CCDC82: variants seen among roughly 807,000 people sequenced by gnomAD.
CCDC82 encodes the protein coiled-coil domain-containing protein 82.
Under a neutral mutation model 60.6 loss-of-function variants are expected in CCDC82, and 47 were observed. The ratio of observed to expected loss-of-function variants is 0.77; its 90% CI spans 0.61 to 0.99. The LOEUF (loss-of-function observed/expected upper bound fraction) is 0.99, where lower values mean the gene tolerates loss of function less well. Ranked by LOEUF, CCDC82 falls within the 50% of genes least tolerant of loss-of-function variation. The probability of loss-of-function intolerance (pLI) is 0.00; values close to 1 mark genes in which losing one functional copy is unlikely to be tolerated. For synonymous variants in CCDC82, 212 were observed against 207.4 expected, an observed-to-expected ratio of 1.02 and a Z score of -0.19; for missense variants, 588 against 633.0, an observed-to-expected ratio of 0.93 and a Z score of 0.76.
chr11:96,379,175 T>TA (rs1865740211), intron 5 of CCDC82, among the ~76,000 whole-genome samples: 1 of 151,958 alleles, frequency 6.6e-6, no homozygotes, highest in Non-Finnish European at 1.5e-5. Context: ...TCACATAGGT[T>TA]ACTGTTTTAA....
intron 8 of CCDC82, among the ~76,000 whole-genome samples, chr11:96,361,545 G>A (rs1864662858): frequency 1.3e-5 from 2 of 152,144 alleles, no homozygotes; most frequent in African/African-American, 2.4e-5. Context: ...TATATGGAAG[G>A]GCATCACTGC....
At chr11:96,353,894 A>G in intron 9 of CCDC82, 180 bp from the exon 10 acceptor site, 1 of 449,644 alleles carries the variant, frequency 2.2e-6, no homozygotes, top group Non-Finnish European at 3.9e-6. Context: ...TATAACTCAT[A>G]TATTTCCATA....
intron 9 of CCDC82, chr11:96,358,119 C>T: frequency 1.0e-6 from 1 of 985,686 alleles, no homozygotes; most frequent in Non-Finnish European, 1.2e-6. Flanking sequence ...TTTTATATTC[C>T]TCTTTTACAA....
At chr11:96,375,805 A>G (rs991532012) in intron 5 of CCDC82, among the ~76,000 whole-genome samples, 17 of 152,220 alleles carry the variant, frequency 1.1e-4, no homozygotes, top group African/African-American at 4.1e-4. Context: ...TGGATGGAAA[A>G]CTGGAGAAAA....
intron 8 of CCDC82, among the ~76,000 whole-genome samples, chr11:96,361,053 T>C (rs1035509139): frequency 2.0e-5 from 3 of 152,240 alleles, no homozygotes; most frequent in African/African-American, 7.2e-5. Context: ...AAAGCAGTCC[T>C]GGTAGTAATG....
chr11:96,369,280 T>A (rs1376826266), intron 7 of CCDC82, among the ~76,000 whole-genome samples: 1 of 152,228 alleles, frequency 6.6e-6, no homozygotes, highest in East Asian at 1.9e-4. Context: ...CTTCAAGAAC[T>A]TTCCTTTGCA....
At chr11:96,362,496 A>C (rs892093744) in intron 8 of CCDC82, among the ~76,000 whole-genome samples, 2 of 152,174 alleles carry the variant, frequency 1.3e-5, no homozygotes, top group Non-Finnish European at 2.9e-5. Flanking sequence ...GCTTCTTCCC[A>C]CCAAATCCTA....
chr11:96,367,459 G>A (rs959708099), intron 7 of CCDC82, among the ~76,000 whole-genome samples: 1 of 152,084 alleles, frequency 6.6e-6, no homozygotes, highest in Non-Finnish European at 1.5e-5. Flanking sequence ...AAGAAACCAC[G>A]TTCTTTGCTT....
Position 96,383,246 on chromosome 11 carries a change from CATTTTCTTAAT to C in CCDC82, c.991+12_991+22del. Reference sequence around the variant, plus strand: ...AATATCATGAGAACAATTCATGAAACATTTTCTTAATATTGAACTTACAAAGAGAATTCTGT... The same window carrying C: ...AATATCATGAGAACAATTCATGAAACATTGAACTTACAAAGAGAATTCTGT... On this transcript the variant is annotated intron_variant, in intron 5 of 9. Coordinates refer to ENST00000646818, the MANE Select transcript of CCDC82 (RefSeq NM_024725.4). 7.9e-7 allele frequency: 1 copy of C among 1,266,604 alleles called. No individual in the cohort carries two copies. Among genetic ancestry groups the C allele is most frequent in the Non-Finnish European group, 1.2e-6 (1 of 866,200 alleles). The allele number at this position is 1,266,604 out of a possible 1,614,324, so 78.5% of individuals were successfully genotyped here.
At chr11:96,361,766 A>G (rs1864673711) in intron 8 of CCDC82, among the ~76,000 whole-genome samples, 1 of 152,238 alleles carries the variant, frequency 6.6e-6, no homozygotes, top group African/African-American at 2.4e-5. Flanking sequence ...CTCTGGTGTT[A>G]GAATGATTTC....
At position 96,362,281 on chromosome 11, in the gene CCDC82, C is replaced by T. The variant is rs574352514; in HGVS notation, c.1380+2699G>A. Among the ~76,000 whole-genome samples the T allele has an allele frequency of 1.1e-4, 17 of 152,188 alleles. No homozygotes were observed. In the East Asian group the frequency reaches 1.9e-3, roughly 17 times the overall value. ...TTATTTATAGGCAGAGGAGCCAGCT[C>T]CTTATGGAAGTTAAAGTATGAAGAA... On this transcript the variant is annotated intron_variant, in intron 8 of 9. Transcript: ENST00000646818.
intron 5 of CCDC82, 21 bp downstream of exon 5, chr11:96,383,248 T>C (rs1865974142): frequency 4.7e-6 from 6 of 1,285,402 alleles, no homozygotes; most frequent in Non-Finnish European, 5.7e-6. Flanking sequence ...TCATGAAACA[T>C]TTTCTTAATA....
chr11:96,359,922 A>T (rs1479094255), intron 8 of CCDC82, among the ~76,000 whole-genome samples: 1 of 151,292 alleles, frequency 6.6e-6, no homozygotes, highest in Non-Finnish European at 1.5e-5. Flanking sequence ...TTTTGCTGTC[A>T]GCCAGCTATA....
chr11:96,373,401 T>C lies in CCDC82; in HGVS notation c.1058A>G (p.Asp353Gly), dbSNP rs761001695. Residue 353 changes from aspartate (D) to glycine (G), a missense_variant, in exon 6 of 10, where the codon GAT becomes GGT. Transcript: ENST00000646818. ...ATATAATGTTCCCAGAAAAGATTCATCTAAAGCGTTGATCAGAAGAGCCTT... is the reference window on the plus strand; with the variant it reads ...ATATAATGTTCCCAGAAAAGATTCACCTAAAGCGTTGATCAGAAGAGCCTT... ...VVKALLINAL[D>G]ESFLGTLYDG... 1 of 1,607,742 alleles carries C rather than the reference T, an allele frequency of 6.2e-7. No homozygotes were observed.
At chr11:96,373,994 T>C (rs1398298194) in intron 5 of CCDC82, among the ~76,000 whole-genome samples, 2 of 152,216 alleles carry the variant, frequency 1.3e-5, no homozygotes, top group African/African-American at 4.8e-5. Context: ...GTCTATTTCC[T>C]TCCCCATACC....
At chr11:96,353,869 C>G (rs996818133) in intron 9 of CCDC82, 155 bp from the exon 10 acceptor site, 4 of 555,108 alleles carry the variant, frequency 7.2e-6, no homozygotes, top group African/African-American at 3.8e-5. Context: ...TTCAAATAAG[C>G]ATTCCTAACT....
chr11:96,380,744 A>C (rs1232191896), intron 5 of CCDC82: 1 of 151,856 alleles, frequency 6.6e-6, no homozygotes, highest in East Asian at 1.9e-4. Flanking sequence ...GAAAAGTTAT[A>C]TGCTGTGTGA....
At chr11:96,370,881 T>G (rs927691182) in intron 7 of CCDC82, 132 bp downstream of exon 7, 1 of 711,260 alleles carries the variant, frequency 1.4e-6, no homozygotes, top group African/African-American at 1.8e-5. Context: ...TTAGAAGATG[T>G]GAGAAATAAT....
chr11:96,356,794 A>G, intron 9 of CCDC82: 1 of 985,366 alleles, frequency 1.0e-6, no homozygotes, highest in Non-Finnish European at 1.2e-6. Flanking sequence ...AAAAGAATGA[A>G]GTCAGTCTAG....
Sources: allele counts gnomAD v4.1 joint callset (sites outside exome capture counted in the v4.1 genomes callset), GRCh38; gene constraint gnomAD v4.1.1; transcripts MANE v1.5; gene names NCBI Gene and HGNC (gene_info 2026-07-23, HGNC 2026-07-21).